The following TSPAN15 variants were observed in gnomAD, a reference collection of about 807,000 sequenced individuals.
TSPAN15 encodes tetraspanin-15.
TSPAN15 carries 20 observed loss-of-function variants against 34.5 expected under a neutral mutation model. The observed-to-expected ratio is 0.58, with a 90% CI of 0.41 to 0.84. TSPAN15 has a LOEUF of 0.84. Ranked by LOEUF, TSPAN15 falls within the 40% of genes least tolerant of loss-of-function variation. TSPAN15 has a pLI of 0.00. For missense variants in TSPAN15, 313 were observed against 386.1 expected (o/e 0.81, Z 1.59); for synonymous variants, 155 against 153.9 (o/e 1.01, Z -0.05).
Position 69,506,998 on chromosome 10 carries a change from G to A in TSPAN15, c.*20G>A, listed in dbSNP as rs755859699. 3 of 1,604,632 alleles carry A rather than the reference G, an allele frequency of 1.9e-6. No individual in the cohort carries two copies. The highest frequency in any genetic ancestry group is 4.5e-5 in the East Asian group (2 of 44,574). On this transcript the variant is annotated 3_prime_UTR_variant, in exon 8 of 8. Transcript: ENST00000373290. This position sits in a 1 kb window ranked among gnomAD's most constrained non-coding sequence, Gnocchi z 4.7. Reference sequence around the variant, plus strand: ...AATTAGGGCCCAGCCTGCCATGGCAGCTCCAACAAGGACCGTCTGGGATAG... The same window carrying A: ...AATTAGGGCCCAGCCTGCCATGGCAACTCCAACAAGGACCGTCTGGGATAG...
the TSPAN15 span, among the ~76,000 whole-genome samples, chr10:69,529,851 T>G: frequency 7.8e-6 from 1 of 128,968 alleles, no homozygotes; most frequent in Non-Finnish European, 1.6e-5. Context: ...CCTCCCACCC[T>G]TCCCCCGCAA....
chr10:69,544,682 G>A, the TSPAN15 span, among the ~76,000 whole-genome samples: 1 of 152,198 alleles, frequency 6.6e-6, no homozygotes, highest in Admixed American at 6.5e-5. Context: ...ATTGAGTACT[G>A]GATAGACCTA....
chr10:69,496,157 C>T (rs1842075958), intron 4 of TSPAN15, among the ~76,000 whole-genome samples: 1 of 151,926 alleles, frequency 6.6e-6, no homozygotes, highest in African/African-American at 2.4e-5. Flanking sequence ...TAAAGACATC[C>T]CTGATTGGGA....
At chr10:69,452,379 T>G (rs551400835) in intron 1 of TSPAN15, among the ~76,000 whole-genome samples, 3 of 152,226 alleles carry the variant, frequency 2.0e-5, no homozygotes, top group African/African-American at 7.2e-5. Flanking sequence ...ATTTTATTTT[T>G]TATTTAAAAC....
Position 69,451,556 on chromosome 10 carries a change from G to A in TSPAN15, c.-39G>A, listed in dbSNP as rs766265106. The A allele has an allele frequency of 7.3e-6, 10 of 1,376,588 alleles. No individual in the cohort carries two copies. The highest frequency in any genetic ancestry group is 3.3e-5 in the South Asian group (2 of 59,720). The allele number at this position is 1,376,588 out of a possible 1,614,324, so 85.3% of individuals were successfully genotyped here. A position where few individuals can be genotyped will look rare whatever the true frequency, so the allele number is the denominator to read the frequency against. On this transcript the variant is annotated 5_prime_UTR_variant, in exon 1 of 8. Coordinates refer to ENST00000373290, the MANE Select transcript of TSPAN15 (RefSeq NM_012339.5). ...GCTGGCTGAGGGACCGAGCCGGAGAGCCCCGGAGCCCCCGTAACCCGCGCG... is the reference window on the plus strand; with the variant it reads ...GCTGGCTGAGGGACCGAGCCGGAGAACCCCGGAGCCCCCGTAACCCGCGCG...
Position 69,503,734 on chromosome 10 carries a change from C to G in TSPAN15, c.571-704C>G, listed in dbSNP as rs529972883. Among the ~76,000 whole-genome samples, 17 of 152,324 alleles carry G rather than the reference C, an allele frequency of 1.1e-4. No homozygotes were observed. In the South Asian group the frequency reaches 3.5e-3, roughly 32 times the overall value. On this transcript the variant is annotated intron_variant, in intron 5 of 7. Transcript: ENST00000373290. The stretch of plus-strand genomic sequence containing the variant: ...ATGGGCTGGACCAGGAAGTCTCACT[C>G]TCTTCCCTGGTGGTTGGAGAAGGAG...
At chr10:69,472,366 C>T (rs957530224) in intron 1 of TSPAN15, among the ~76,000 whole-genome samples, 9 of 152,202 alleles carry the variant, frequency 5.9e-5, no homozygotes, top group African/African-American at 1.9e-4. Flanking sequence ...CTTCCCTGAT[C>T]TTGCCTTTCT....
intron 1 of TSPAN15, among the ~76,000 whole-genome samples, chr10:69,456,380 T>C (rs532272082): frequency 9.2e-5 from 14 of 152,288 alleles, no homozygotes; most frequent in Non-Finnish European, 2.1e-4. Flanking sequence ...AGTCACTGTG[T>C]CCAGCCTAAA....
chr10:69,485,304 G>C lies in TSPAN15; in HGVS notation c.357+89G>C, dbSNP rs1468693523. The C allele has an allele frequency of 1.2e-5, 13 of 1,081,320 alleles. No homozygotes were observed. The Admixed American group carries it at 1.7e-4, about 14-fold the overall frequency. 67.0% of individuals were successfully genotyped at this position (1,081,320 alleles called of 1,614,324 possible). On this transcript the variant is annotated intron_variant, in intron 3 of 7. Coordinates refer to ENST00000373290, the MANE Select transcript of TSPAN15 (RefSeq NM_012339.5). The stretch of plus-strand genomic sequence containing the variant: ...CTAACTGGGGGTATGGCAGTGAGCA[G>C]GGCAGATAACCCCCATGGAGCTTTC...
rs187132878 is a variant in TSPAN15 at position 69,494,144 on chromosome 10, G to A, written c.358-1450G>A. 2.0e-4 allele frequency among the ~76,000 whole-genome samples: 31 copies of A among 152,302 alleles called. No individual in the cohort carries two copies. In the East Asian group the frequency reaches 5.8e-3, roughly 28 times the overall value. On this transcript the variant is annotated intron_variant, in intron 3 of 7. Transcript: ENST00000373290. ...TGGGCAACCTCGGACTAGCCACATC[G>A]CTCTCTGGGCTGCAGGGTGTTGTGA... is the stretch of plus-strand genomic sequence containing the variant.
the TSPAN15 span, among the ~76,000 whole-genome samples, chr10:69,521,701 C>T: frequency 6.8e-5 from 10 of 147,948 alleles, no homozygotes; most frequent in African/African-American, 1.7e-4. Context: ...ACCTGGACAT[C>T]GGTGCTCCTA....
At chr10:69,478,725 A>G (rs1200718051) in intron 1 of TSPAN15, among the ~76,000 whole-genome samples, 1 of 152,244 alleles carries the variant, frequency 6.6e-6, no homozygotes, top group Non-Finnish European at 1.5e-5. Context: ...AACCAGTTAT[A>G]GTAGGATACA....
intron 1 of TSPAN15, among the ~76,000 whole-genome samples, chr10:69,479,332 C>A (rs932853658): frequency 6.6e-6 from 1 of 152,228 alleles, no homozygotes; most frequent in African/African-American, 2.4e-5. Flanking sequence ...CTGGGCCTCT[C>A]CCTGCACAGG....
At chr10:69,529,388 C>T in the TSPAN15 span, among the ~76,000 whole-genome samples, 3 of 146,710 alleles carry the variant, frequency 2.0e-5, no homozygotes, top group Non-Finnish European at 4.5e-5. Flanking sequence ...ATCAATTGCG[C>T]AGTACATTTT....
intron 3 of TSPAN15, among the ~76,000 whole-genome samples, chr10:69,492,058 C>T (rs1480656484): frequency 6.6e-6 from 1 of 152,206 alleles, no homozygotes; most frequent in Non-Finnish European, 1.5e-5. Context: ...TGCTTTCAAA[C>T]CTTGTGGCTT....
At chr10:69,537,999 G>C in the TSPAN15 span, among the ~76,000 whole-genome samples, 1,330 of 152,334 alleles carry the variant, frequency 8.7e-3, 15 homozygotes, top group African/African-American at 0.029. Context: ...CCTTAGGGCA[G>C]TTGCAGACAG....
chr10:69,548,824 C>A, the TSPAN15 span, among the ~76,000 whole-genome samples: 7 of 151,950 alleles, frequency 4.6e-5, no homozygotes, highest in Non-Finnish European at 7.4e-5. Flanking sequence ...GTTGGGGAAT[C>A]ATTTGAGGTT....
intron 1 of TSPAN15, among the ~76,000 whole-genome samples, chr10:69,472,495 G>C (rs1486425439): frequency 6.6e-6 from 1 of 152,168 alleles, no homozygotes; most frequent in Non-Finnish European, 1.5e-5. Context: ...GCTCCTTGAG[G>C]ACAGGAACTC....
chr10:69,523,297 CA>C, the TSPAN15 span: 2 of 439,308 alleles, frequency 4.6e-6, no homozygotes, highest in East Asian at 8.0e-5. Context: ...AGTAATTAAA[CA>C]AAAGGGAACT....
Sources: allele counts gnomAD v4.1 joint callset (sites outside exome capture counted in the v4.1 genomes callset), GRCh38; gene constraint gnomAD v4.1.1; non-coding constraint Gnocchi (gnomAD v3.1); transcripts MANE v1.5; gene names NCBI Gene and HGNC (gene_info 2026-07-23, HGNC 2026-07-21).